The following FTO variants were observed in gnomAD, a reference collection of about 807,000 sequenced individuals.
FTO encodes the protein alpha-ketoglutarate-dependent dioxygenase FTO.
FTO carries 47 observed loss-of-function variants against 63.9 expected under a neutral mutation model. The observed-to-expected ratio is 0.74, with a 90% CI of 0.58 to 0.94. The LOEUF is 0.94. Ranked by LOEUF, FTO falls within the 40% of genes least tolerant of loss-of-function variation. The probability of loss-of-function intolerance (pLI) is 0.00; values close to 1 mark genes in which losing one functional copy is unlikely to be tolerated. For missense variants in FTO, 562 were observed against 618.1 expected (o/e 0.91, Z 0.96); for synonymous variants, 207 against 224.4 (o/e 0.92, Z 0.69).
intron 7 of FTO, among the ~76,000 whole-genome samples, chr16:53,908,280 A>C (rs547818047): frequency 6.6e-6 from 1 of 152,336 alleles, no homozygotes; most frequent in Admixed American, 6.5e-5. Context: ...CATTGCATGC[A>C]AACTCGTAGT....
At chr16:53,768,787 T>G (rs1281519967) in intron 1 of FTO, among the ~76,000 whole-genome samples, 1 of 152,122 alleles carries the variant, frequency 6.6e-6, no homozygotes, top group Non-Finnish European at 1.5e-5. Context: ...TTGCCTTGTT[T>G]TTTTGTTTAC....
chr16:53,796,048 T>C (rs964107134), intron 1 of FTO, among the ~76,000 whole-genome samples: 5 of 118,068 alleles, frequency 4.2e-5, no homozygotes, highest in Admixed American at 8.1e-5. Flanking sequence ...TTTCTTTCTT[T>C]CTTTTTTTTT....
intron 8 of FTO, among the ~76,000 whole-genome samples, chr16:54,099,462 A>C (rs2086586704): frequency 1.3e-5 from 2 of 152,136 alleles, no homozygotes. Context: ...AAAGCGTCCA[A>C]CCAAGCGGCC....
intron 4 of FTO, among the ~76,000 whole-genome samples, chr16:53,865,218 C>T (rs1432875429): frequency 6.6e-6 from 1 of 152,036 alleles, no homozygotes; most frequent in East Asian, 1.9e-4. Context: ...CCTGGGAAGC[C>T]CCCTTCAAAC....
intron 8 of FTO, among the ~76,000 whole-genome samples, chr16:54,010,076 A>G (rs548051782): frequency 9.9e-5 from 15 of 152,178 alleles, no homozygotes; most frequent in East Asian, 1.9e-4. Context: ...AGTAGCTCTA[A>G]TAGGTCCTTT....
chr16:54,042,261 G>A (rs1199904566), intron 8 of FTO, among the ~76,000 whole-genome samples: 3 of 141,898 alleles, frequency 2.1e-5, no homozygotes, highest in Admixed American at 7.0e-5. Context: ...CACCGTGCGC[G>A]AGCCGAAGCA....
intron 8 of FTO, among the ~76,000 whole-genome samples, chr16:53,982,070 ACT>A (rs1268955519): frequency 1.3e-5 from 2 of 151,344 alleles, no homozygotes; most frequent in East Asian, 1.9e-4. Flanking sequence ...ACAGAGCGAG[ACT>A]CTGTTAAAAA....
At chr16:53,952,949 T>C (rs1036579117) in intron 8 of FTO, among the ~76,000 whole-genome samples, 1 of 152,158 alleles carries the variant, frequency 6.6e-6, no homozygotes. Flanking sequence ...ACTAGTTACA[T>C]TGCACAAGGA....
Position 53,806,251 on chromosome 16 carries a change from C to T in FTO, c.46-3889C>T, listed in dbSNP as rs1350433859. Reference sequence around the variant, plus strand: ...ACAATGCCAAAAATCATGTTGTCTTCATCTTTATACTGAATTTCATGTGAG... The same window carrying T: ...ACAATGCCAAAAATCATGTTGTCTTTATCTTTATACTGAATTTCATGTGAG... On this transcript the variant is annotated intron_variant, in intron 1 of 8. Transcript: ENST00000471389. 3.3e-5 allele frequency among the ~76,000 whole-genome samples: 5 copies of T among 152,150 alleles called. No individual in the cohort carries two copies. The East Asian group carries it at 7.7e-4, about 23-fold the overall frequency.
chr16:53,849,466 G>A (rs1042812979), intron 4 of FTO, among the ~76,000 whole-genome samples: 3 of 152,132 alleles, frequency 2.0e-5, no homozygotes, highest in Non-Finnish European at 2.9e-5. Flanking sequence ...CATTCCATAC[G>A]TATATTTGCT....
intron 8 of FTO, among the ~76,000 whole-genome samples, chr16:54,064,471 A>G (rs564090713): frequency 6.6e-6 from 1 of 152,236 alleles, no homozygotes; most frequent in Non-Finnish European, 1.5e-5. Context: ...CAGAAGCCTT[A>G]TTAAAGATGT....
chr16:53,961,716 C>G (rs775896080), intron 8 of FTO, among the ~76,000 whole-genome samples: 2 of 152,136 alleles, frequency 1.3e-5, no homozygotes, highest in Non-Finnish European at 1.5e-5. Context: ...ACTTTCGCTT[C>G]TAATTCAGTC....
At chr16:53,781,710 A>G (rs972630996) in intron 1 of FTO, among the ~76,000 whole-genome samples, 3 of 152,208 alleles carry the variant, frequency 2.0e-5, no homozygotes, top group Non-Finnish European at 2.9e-5. Context: ...CTAAAAAGTA[A>G]TAGGCTTGAA....
chr16:53,990,288 A>G (rs1228273747), intron 8 of FTO, among the ~76,000 whole-genome samples: 3 of 152,186 alleles, frequency 2.0e-5, no homozygotes, highest in African/African-American at 7.2e-5. Context: ...CCTCTTGGCT[A>G]CTACTCACTC....
intron 7 of FTO, among the ~76,000 whole-genome samples, chr16:53,932,163 G>T (rs1226320420): frequency 6.6e-6 from 1 of 152,136 alleles, no homozygotes; most frequent in Non-Finnish European, 1.5e-5. Flanking sequence ...TCCTCCTTGT[G>T]CTGGAGGGCT....
chr16:54,074,090 C>T (rs1210810317), intron 8 of FTO, among the ~76,000 whole-genome samples: 3 of 151,664 alleles, frequency 2.0e-5, no homozygotes, highest in Admixed American at 2.0e-4. Context: ...CCCTCGAAAA[C>T]TGTTTTTTTT....
At chr16:53,904,247 T>C (rs1598952827) in intron 7 of FTO, among the ~76,000 whole-genome samples, 1 of 152,240 alleles carries the variant, frequency 6.6e-6, no homozygotes, top group East Asian at 1.9e-4. Context: ...TCATTCCTGT[T>C]TTACTGAGAA....
chr16:53,931,906 A>ACACACACG (rs914415412), intron 7 of FTO, among the ~76,000 whole-genome samples: 1 of 150,170 alleles, frequency 6.7e-6, no homozygotes, highest in African/African-American at 2.5e-5. Context: ...ACACACACAC[A>ACACACACG]CGCACATACC....
At chr16:53,900,065 C>A (rs143016391) in intron 7 of FTO, among the ~76,000 whole-genome samples, 1 of 152,208 alleles carries the variant, frequency 6.6e-6, no homozygotes, top group Non-Finnish European at 1.5e-5. Context: ...GTAGCCGATG[C>A]TCAGGTCTTC....
Sources: gnomAD v4.1 joint callset for allele counts (sites outside exome capture counted in the v4.1 genomes callset) on GRCh38, gnomAD v4.1.1 for gene constraint, MANE v1.5 for transcripts, NCBI Gene and HGNC (gene_info 2026-07-23, HGNC 2026-07-21) for gene names.